RHBDD1: variants seen among roughly 807,000 people sequenced by gnomAD.
RHBDD1 encodes the protein rhomboid-related protein 4.
Under a neutral mutation model 36.3 loss-of-function variants are expected in RHBDD1, and 38 were observed. The observed-to-expected ratio is 1.05, with a 90% confidence interval of 0.81 to 1.37. The LOEUF (loss-of-function observed/expected upper bound fraction) is 1.37, where lower values mean the gene tolerates loss of function less well. Among genes scored for constraint, RHBDD1 ranks in the 40% most tolerant of loss-of-function variants. The pLI, the probability that RHBDD1 is intolerant of heterozygous loss-of-function variation, is 0.00. For missense variants in RHBDD1, 393 were observed against 377.6 expected (o/e 1.04, Z -0.34); for synonymous variants, 151 against 136.5 (o/e 1.11, Z -0.74).
At chr2:226,984,200 C>A (rs1032576872) in intron 8 of RHBDD1, among the ~76,000 whole-genome samples, 1 of 152,284 alleles carries the variant, frequency 6.6e-6, no homozygotes, top group African/African-American at 2.4e-5. Flanking sequence ...AGTTGCCAAG[C>A]TGCCAACTTC....
intron 3 of RHBDD1, among the ~76,000 whole-genome samples, chr2:226,844,876 C>G (rs1942052527): frequency 6.6e-6 from 1 of 152,114 alleles, no homozygotes; most frequent in Non-Finnish European, 1.5e-5. Context: ...AGCAGTGGAG[C>G]AAAATTTAAG....
At chr2:226,928,722 C>G (rs1949826924) in intron 8 of RHBDD1, among the ~76,000 whole-genome samples, 1 of 151,928 alleles carries the variant, frequency 6.6e-6, no homozygotes, top group African/African-American at 2.4e-5. Flanking sequence ...AAAGTTGGCT[C>G]TTTGAAAAGA....
chr2:226,908,934 C>A, intron 7 of RHBDD1, 56 bp downstream of exon 7: 1 of 1,117,348 alleles, frequency 8.9e-7, no homozygotes. Context: ...TTATAGTGTT[C>A]AGCTCTACAG....
At chr2:226,981,570 A>ACG (rs1955770104) in intron 8 of RHBDD1, among the ~76,000 whole-genome samples, 1 of 21,704 alleles carries the variant, frequency 4.6e-5, no homozygotes, top group Non-Finnish European at 8.0e-5. Context: ...GCACACACAT[A>ACG]CACACACACA....
At chr2:226,959,484 T>G (rs1952024116) in intron 8 of RHBDD1, among the ~76,000 whole-genome samples, 2 of 152,174 alleles carry the variant, frequency 1.3e-5, no homozygotes, top group Admixed American at 1.3e-4. Flanking sequence ...ATTTTGTACA[T>G]TTTTTTATAA....
chr2:226,947,352 AAT>A (rs1951055933), intron 8 of RHBDD1, among the ~76,000 whole-genome samples: 1 of 151,960 alleles, frequency 6.6e-6, no homozygotes, highest in Admixed American at 6.6e-5. Context: ...CCATTTATTA[AAT>A]AGGGAATCCT....
intron 5 of RHBDD1, among the ~76,000 whole-genome samples, chr2:226,905,414 CAG>C (rs1947969136): frequency 6.6e-6 from 1 of 152,050 alleles, no homozygotes; most frequent in African/African-American, 2.4e-5. Context: ...AGCCTATGGT[CAG>C]AGAGTGCTTG....
intron 8 of RHBDD1, among the ~76,000 whole-genome samples, chr2:226,979,998 G>A (rs1321049906): frequency 1.3e-5 from 2 of 152,176 alleles, no homozygotes; most frequent in Non-Finnish European, 2.9e-5. Flanking sequence ...GGAAGAGGAA[G>A]GTGTCAAGGA....
intron 5 of RHBDD1, among the ~76,000 whole-genome samples, chr2:226,891,997 ACT>A (rs1946729570): frequency 1.3e-5 from 2 of 152,152 alleles, no homozygotes; most frequent in Admixed American, 1.3e-4. Context: ...TTGAGCCTCC[ACT>A]GGAGGTGGGG....
chr2:226,983,766 A>G (rs547309591), intron 8 of RHBDD1, among the ~76,000 whole-genome samples: 4 of 152,344 alleles, frequency 2.6e-5, no homozygotes, highest in African/African-American at 9.6e-5. Flanking sequence ...TCAAAAGTCA[A>G]TGAAAACATT....
chr2:226,804,705 G>A, the RHBDD1 span: 1 of 152,196 alleles, frequency 6.6e-6, no homozygotes, highest in Non-Finnish European at 1.5e-5. Context: ...TGTTTGAGGA[G>A]CAAATAAAGC....
the RHBDD1 span, among the ~76,000 whole-genome samples, chr2:226,801,789 T>C: frequency 6.6e-6 from 1 of 152,000 alleles, no homozygotes; most frequent in Non-Finnish European, 1.5e-5. Flanking sequence ...CTGAAGTTGG[T>C]GGAAAAGTGT....
chr2:226,882,603 A>G (rs532507821), intron 5 of RHBDD1, among the ~76,000 whole-genome samples: 1 of 151,994 alleles, frequency 6.6e-6, no homozygotes, highest in African/African-American at 2.4e-5. Context: ...GCCAAGATGT[A>G]TGGAAACCGC....
intron 8 of RHBDD1, among the ~76,000 whole-genome samples, chr2:226,973,930 A>G (rs115125502): frequency 4.6e-5 from 7 of 152,134 alleles, no homozygotes; most frequent in African/African-American, 7.2e-5. Flanking sequence ...TTTCGTTCGC[A>G]TGGGCTCTTT....
chr2:226,834,159 T>A (rs1008222497), upstream of RHBDD1, among the ~76,000 whole-genome samples: 3 of 152,228 alleles, frequency 2.0e-5, no homozygotes, highest in Non-Finnish European at 4.4e-5. Flanking sequence ...TTTGATGTAT[T>A]ATACGGACAA....
In RHBDD1 at chr2:226,879,057, T is replaced by C. The variant is rs1945484674; in HGVS notation, c.566+11739T>C. 5.5e-5 allele frequency among the ~76,000 whole-genome samples: 7 copies of C among 128,418 alleles called. No individual in the cohort carries two copies. In the Admixed American group the frequency reaches 6.0e-4, roughly 11 times the overall value. 84.2% of individuals were successfully genotyped at this position (128,418 alleles called of 152,430 possible). On this transcript the variant is annotated intron_variant, in intron 5 of 8. Coordinates refer to ENST00000392062, the MANE Select transcript of RHBDD1 (RefSeq NM_001167608.3). The stretch of plus-strand genomic sequence containing the variant: ...AAGGACGTGAAATCAATTTAGTGTG[T>C]CACAACTGGCATTCCAAAAAAAAAA...
At chr2:226,874,428 A>G (rs764174954) in intron 5 of RHBDD1, among the ~76,000 whole-genome samples, 1 of 152,118 alleles carries the variant, frequency 6.6e-6, no homozygotes, top group African/African-American at 2.4e-5. Context: ...AATAACACAA[A>G]TTCCTTCTAC....
At chr2:226,835,825 CCA>C (rs1221486955), upstream of RHBDD1, 1 of 152,292 alleles carries the variant, frequency 6.6e-6, no homozygotes, top group Non-Finnish European at 1.5e-5. Flanking sequence ...GGGCGAGGGT[CCA>C]CACTCTCCTT....
At chr2:226,864,341 C>T (rs905523609) in intron 3 of RHBDD1, among the ~76,000 whole-genome samples, 20 of 152,086 alleles carry the variant, frequency 1.3e-4, no homozygotes, top group African/African-American at 3.4e-4. Flanking sequence ...AAGTTAATTT[C>T]GTGGTGTGTT....
Sources: gnomAD v4.1 joint callset for allele counts (sites outside exome capture counted in the v4.1 genomes callset) on GRCh38, gnomAD v4.1.1 for gene constraint, MANE v1.5 for transcripts, NCBI Gene and HGNC (gene_info 2026-07-23, HGNC 2026-07-21) for gene names.